The following DGKI variants were observed in gnomAD, a reference collection of about 807,000 sequenced individuals.
The protein encoded by DGKI is diacylglycerol kinase iota, also known as DAG kinase iota.
Under a neutral mutation model 147.5 loss-of-function variants are expected in DGKI, and 55 were observed. The observed-to-expected ratio is 0.37, with a 90% CI of 0.30 to 0.47. The LOEUF (loss-of-function observed/expected upper bound fraction) is 0.47, where lower values mean the gene tolerates loss of function less well. Ranked by LOEUF, DGKI falls within the 20% of genes least tolerant of loss-of-function variation. The probability of loss-of-function intolerance (pLI) is 1.00; values close to 1 mark genes in which losing one functional copy is unlikely to be tolerated. For synonymous variants in DGKI, 469 were observed against 477.1 expected (o/e 0.98, Z 0.22); for missense variants, 1,007 against 1,323.8 (o/e 0.76, Z 3.71).
At chr7:137,835,808 T>C (rs1207302198) in intron 1 of DGKI, among the ~76,000 whole-genome samples, 1 of 152,188 alleles carries the variant, frequency 6.6e-6, no homozygotes, top group African/African-American at 2.4e-5. Flanking sequence ...AATGGTGCTA[T>C]TTTTCCATAG....
chr7:137,696,348 T>C, intron 1 of DGKI, among the ~76,000 whole-genome samples: 1 of 150,634 alleles, frequency 6.6e-6, no homozygotes, highest in East Asian at 2.0e-4. Context: ...TTTACCATCA[T>C]ATTAAACACA....
At chr7:137,460,480 A>C (rs1814394632) in intron 27 of DGKI, among the ~76,000 whole-genome samples, 1 of 152,240 alleles carries the variant, frequency 6.6e-6, no homozygotes, top group South Asian at 2.1e-4. Context: ...AAATATATGC[A>C]TTATATAACA....
At chr7:137,423,548 A>T (rs1812664072) in intron 28 of DGKI, among the ~76,000 whole-genome samples, 1 of 152,202 alleles carries the variant, frequency 6.6e-6, no homozygotes, top group South Asian at 2.1e-4. Flanking sequence ...AAGTACAGTT[A>T]AGTATGTACT....
chr7:137,796,647 A>T (rs983183497), intron 1 of DGKI, among the ~76,000 whole-genome samples: 2 of 152,244 alleles, frequency 1.3e-5, no homozygotes, highest in Non-Finnish European at 2.9e-5. Context: ...GAAATTCTAG[A>T]GTTCGAAAGT....
At chr7:137,704,661 T>G (rs1793954166) in intron 1 of DGKI, among the ~76,000 whole-genome samples, 1 of 152,102 alleles carries the variant, frequency 6.6e-6, no homozygotes, top group South Asian at 2.1e-4. Context: ...ATCTATACAT[T>G]CAACAGGCTC....
In DGKI at chr7:137,390,090, G is replaced by A. The variant is rs986616117; in HGVS notation, c.*1130C>T. 1.7e-4 allele frequency: 26 copies of A among 152,140 alleles called. No homozygotes were observed. Among genetic ancestry groups the A allele is most frequent in the African/African-American group, 5.5e-4 (23 of 41,556 alleles). The allele number at this position is 152,140 out of a possible 1,614,324, so 9.4% of individuals were successfully genotyped here. A position where few individuals can be genotyped will look rare whatever the true frequency, so the allele number is the denominator to read the frequency against. On this transcript the variant is annotated 3_prime_UTR_variant, in exon 33 of 33. Transcript: ENST00000614521. ...GCTCCTCTCACCACTGTATCCAACA[G>A]TCTATAGTTATTAGCCTCTGTGCAA...
chr7:137,419,859 T>C (rs1264820850), intron 28 of DGKI, among the ~76,000 whole-genome samples: 2 of 152,258 alleles, frequency 1.3e-5, no homozygotes, highest in African/African-American at 4.8e-5. Context: ...GTTTTTAACA[T>C]ATTAGAACAG....
intron 1 of DGKI, among the ~76,000 whole-genome samples, chr7:137,796,553 G>A (rs1220406849): frequency 6.6e-6 from 1 of 151,576 alleles, no homozygotes; most frequent in African/African-American, 2.4e-5. Context: ...CTTGCCTAGA[G>A]AGTTAAAGGA....
rs569336119 is a variant in DGKI at position 137,820,619 on chromosome 7, C to G, written c.401+25843G>C. On this transcript the variant is annotated intron_variant, in intron 1 of 32. Transcript: ENST00000614521. ...AGTAACCCCTCTTCCACCACCAAAC[C>G]CCAACCTCATAACCTTCTAGAACAC... 2.6e-5 allele frequency among the ~76,000 whole-genome samples: 4 copies of G among 152,256 alleles called. No individual in the cohort carries two copies. The East Asian group carries it at 7.7e-4, about 29-fold the overall frequency.
intron 1 of DGKI, among the ~76,000 whole-genome samples, chr7:137,723,720 T>C (rs1794633982): frequency 7.0e-6 from 1 of 143,172 alleles, no homozygotes; most frequent in African/African-American, 2.6e-5. Context: ...TTTTTTTTTT[T>C]TTTTTTTGAG....
intron 3 of DGKI, among the ~76,000 whole-genome samples, chr7:137,663,464 C>G (rs1822517999): frequency 6.6e-6 from 1 of 152,216 alleles, no homozygotes; most frequent in South Asian, 2.1e-4. Context: ...GGAAAAAGAT[C>G]TGAAGTCTCT....
At chr7:137,499,535 C>CA (rs1235055382) in intron 21 of DGKI, among the ~76,000 whole-genome samples, 1 of 151,970 alleles carries the variant, frequency 6.6e-6, no homozygotes, top group East Asian at 1.9e-4. Context: ...CTGGATAGAA[C>CA]AAAAAGGTGG....
chr7:137,485,305 G>T, intron 23 of DGKI, 69 bp downstream of exon 23: 1 of 1,165,524 alleles, frequency 8.6e-7, no homozygotes, highest in African/African-American at 1.6e-5. Flanking sequence ...ATCAAAATAA[G>T]ACATTAATTG....
chr7:137,749,419 C>A (rs1328165403), intron 1 of DGKI, among the ~76,000 whole-genome samples: 1 of 152,176 alleles, frequency 6.6e-6, no homozygotes, highest in African/African-American at 2.4e-5. Flanking sequence ...TCTCAGGCAT[C>A]AAAAAGCTTG....
At chr7:137,465,865 T>C in intron 26 of DGKI, 43 bp downstream of exon 26, 2 of 1,590,238 alleles carry the variant, frequency 1.3e-6, no homozygotes, top group East Asian at 2.2e-5. Flanking sequence ...GACATGGATG[T>C]CACCCTAAGG....
chr7:137,709,539 A>T (rs1193641818), intron 1 of DGKI, among the ~76,000 whole-genome samples: 2 of 152,184 alleles, frequency 1.3e-5, no homozygotes, highest in East Asian at 1.9e-4. Flanking sequence ...TAGCCCTTAC[A>T]TGCCTTCGTT....
chr7:137,480,348 C>T (rs947254859), intron 23 of DGKI, among the ~76,000 whole-genome samples: 3 of 152,094 alleles, frequency 2.0e-5, no homozygotes, highest in African/African-American at 7.2e-5. Flanking sequence ...TTGAAGGACT[C>T]TTCTAGACTC....
intron 1 of DGKI, among the ~76,000 whole-genome samples, chr7:137,747,846 C>G (rs770942041): frequency 1.3e-5 from 2 of 152,204 alleles, no homozygotes; most frequent in African/African-American, 2.4e-5. Context: ...CCAGGCTCTA[C>G]TCAGACTTTG....
At chr7:137,691,798 G>GGTTTTTTTTTTTTT (rs1313820202) in intron 1 of DGKI, among the ~76,000 whole-genome samples, 1 of 95,814 alleles carries the variant, frequency 1.0e-5, no homozygotes, top group Non-Finnish European at 2.0e-5. Context: ...AGACCTTTGG[G>GGTTTTTTTTTTTTT]TTTTTTTTTT....
Sources: allele counts gnomAD v4.1 joint callset (sites outside exome capture counted in the v4.1 genomes callset), GRCh38; gene constraint gnomAD v4.1.1; transcripts MANE v1.5; gene names NCBI Gene and HGNC (gene_info 2026-07-23, HGNC 2026-07-21).